PTPRD: variants seen among roughly 807,000 people sequenced by gnomAD.
The protein encoded by PTPRD is protein tyrosine phosphatase receptor type D, also known as receptor-type tyrosine-protein phosphatase delta.
In PTPRD, 34 loss-of-function variants were observed where a neutral mutation model predicts 214.5. The observed-to-expected ratio is 0.16, with a 90% confidence interval of 0.12 to 0.21. The LOEUF is 0.21. Ranked by LOEUF, PTPRD falls within the 10% of genes least tolerant of loss-of-function variation. The pLI is 1.00. For missense variants in PTPRD, 2,545 were observed against 2,398.7 expected, an observed-to-expected ratio of 1.06 and a Z score of -1.27; for synonymous variants, 1,128 against 845.7, an observed-to-expected ratio of 1.33 and a Z score of -5.79.
At chr9:8,966,403 C>T (rs190537911) in intron 11 of PTPRD, among the ~76,000 whole-genome samples, 8 of 151,408 alleles carry the variant, frequency 5.3e-5, no homozygotes, top group African/African-American at 1.5e-4. Context: ...AAAACAGACA[C>T]ATAGACCAGT....
chr9:10,002,606 A>G (rs1327274753), intron 4 of PTPRD, among the ~76,000 whole-genome samples: 2 of 151,352 alleles, frequency 1.3e-5, no homozygotes, highest in African/African-American at 4.8e-5. Flanking sequence ...AATATTTTGT[A>G]ATAATAAAAT....
chr9:8,458,958 T>C (rs1220685987), intron 33 of PTPRD, among the ~76,000 whole-genome samples: 2 of 152,180 alleles, frequency 1.3e-5, no homozygotes, highest in Non-Finnish European at 2.9e-5. Flanking sequence ...TAATGGGTTA[T>C]GGTTATGAAC....
intron 8 of PTPRD, among the ~76,000 whole-genome samples, chr9:9,506,267 T>C (rs183545978): frequency 1.8e-3 from 268 of 151,476 alleles, no homozygotes; most frequent in South Asian, 4.3e-3. Context: ...TCCCCATTCA[T>C]ACTGAGGACA....
chr9:9,759,329 C>T lies in PTPRD; in HGVS notation c.-326+7481G>A, dbSNP rs371018976. On this transcript the variant is annotated intron_variant, in intron 6 of 45. Coordinates refer to ENST00000381196, the MANE Select transcript of PTPRD (RefSeq NM_002839.4). ...GCACTGACTGCCGCAAACCCCAGCC[C>T]CTAGTGCTCTGGTAGTCTTGGTCGC... 2.9e-3 allele frequency among the ~76,000 whole-genome samples: 441 copies of T among 152,194 alleles called. 2 individuals carry two copies. Among genetic ancestry groups the T allele is most frequent in the African/African-American group, 0.01 (419 of 41,566 alleles).
rs375086594 is a variant in PTPRD, at chr9:9,949,029, A to G, written c.-471-10419T>C. On this transcript the variant is annotated intron_variant, in intron 4 of 45. Transcript: ENST00000381196. Reference sequence around the variant, plus strand: ...ATTTCTGTGGTGGGATAAAGGGTGAAGAATACGAGAAAACAAGATGTAGAG... The same window carrying G: ...ATTTCTGTGGTGGGATAAAGGGTGAGGAATACGAGAAAACAAGATGTAGAG... 1.5e-3 allele frequency among the ~76,000 whole-genome samples: 235 copies of G among 152,200 alleles called. 8 individuals carry two copies. The South Asian group carries it at 0.047, about 31-fold the overall frequency.
At chr9:10,235,009 T>C (rs577644020) in intron 3 of PTPRD, among the ~76,000 whole-genome samples, 91 of 151,904 alleles carry the variant, frequency 6.0e-4, no homozygotes, top group African/African-American at 2.1e-3. Context: ...TAAGGATATA[T>C]ATATATAAAC....
At chr9:9,670,118 T>G (rs2096798553) in intron 7 of PTPRD, among the ~76,000 whole-genome samples, 1 of 152,200 alleles carries the variant, frequency 6.6e-6, no homozygotes, top group Admixed American at 6.5e-5. Flanking sequence ...TAGCAATTAG[T>G]AATTAGTAAT....
chr9:9,290,217 G>C (rs1950714562), intron 9 of PTPRD, among the ~76,000 whole-genome samples: 1 of 151,662 alleles, frequency 6.6e-6, no homozygotes, highest in Non-Finnish European at 1.5e-5. Context: ...TAGTTATGTT[G>C]AACAGCTTTC....
rs187026472 is a variant in PTPRD, at chr9:9,580,642, T to G, written c.-286-5861A>C. On this transcript the variant is annotated intron_variant, in intron 7 of 45. Coordinates refer to ENST00000381196, the MANE Select transcript of PTPRD (RefSeq NM_002839.4). ...CTGCTCACTGCAACCTCTGCCTCCATGATTCAAGCAATTCTCCTGCCTCAG... is the reference window on the plus strand; with the variant it reads ...CTGCTCACTGCAACCTCTGCCTCCAGGATTCAAGCAATTCTCCTGCCTCAG... Among the ~76,000 whole-genome samples the G allele has an allele frequency of 1.3e-4, 19 of 149,182 alleles. No individual in the cohort carries two copies. In the East Asian group the frequency reaches 3.9e-3, roughly 30 times the overall value.
intron 7 of PTPRD, among the ~76,000 whole-genome samples, chr9:9,608,434 A>G (rs1478854973): frequency 6.6e-6 from 1 of 152,124 alleles, no homozygotes; most frequent in Non-Finnish European, 1.5e-5. Flanking sequence ...TCTATTCTTA[A>G]AAAGCTGAGT....
intron 11 of PTPRD, among the ~76,000 whole-genome samples, chr9:8,879,919 A>T (rs1460616871): frequency 6.6e-6 from 1 of 152,158 alleles, no homozygotes; most frequent in African/African-American, 2.4e-5. Context: ...CTTCCAGTTC[A>T]CAGAAAAGGA....
chr9:9,369,549 A>T (rs544813112), intron 9 of PTPRD, among the ~76,000 whole-genome samples: 1 of 152,042 alleles, frequency 6.6e-6, no homozygotes, highest in African/African-American at 2.4e-5. Flanking sequence ...ATTTTCTCCC[A>T]TTCTGTAGGT....
intron 11 of PTPRD, among the ~76,000 whole-genome samples, chr9:8,899,613 T>C (rs942780869): frequency 1.3e-5 from 2 of 152,112 alleles, no homozygotes; most frequent in Non-Finnish European, 2.9e-5. Flanking sequence ...GGAGCAGTTG[T>C]GGGAAGGTTG....
At chr9:10,107,208 T>C (rs2098642267) in intron 3 of PTPRD, among the ~76,000 whole-genome samples, 1 of 151,936 alleles carries the variant, frequency 6.6e-6, no homozygotes, top group Non-Finnish European at 1.5e-5. Context: ...GAAATACCGG[T>C]CAGAGATGGA....
At chr9:9,013,213 G>T (rs1028522261) in intron 11 of PTPRD, among the ~76,000 whole-genome samples, 1 of 151,900 alleles carries the variant, frequency 6.6e-6, no homozygotes, top group Non-Finnish European at 1.5e-5. Flanking sequence ...AAGAATGACT[G>T]AACTCCGATG....
chr9:8,908,007 C>G (rs1004154718), intron 11 of PTPRD, among the ~76,000 whole-genome samples: 2 of 152,062 alleles, frequency 1.3e-5, no homozygotes, highest in Non-Finnish European at 2.9e-5. Flanking sequence ...AGTATGGTCA[C>G]ACAGTTGAAA....
intron 39 of PTPRD, among the ~76,000 whole-genome samples, chr9:8,349,902 C>T (rs2074951038): frequency 6.7e-6 from 1 of 150,058 alleles, no homozygotes; most frequent in Non-Finnish European, 1.5e-5. Flanking sequence ...TTGACTTCAG[C>T]AGCAAACCAA....
At chr9:10,171,246 G>A (rs2099203020) in intron 3 of PTPRD, among the ~76,000 whole-genome samples, 2 of 152,100 alleles carry the variant, frequency 1.3e-5, no homozygotes, top group Admixed American at 6.6e-5. Flanking sequence ...ATCCTGAGTT[G>A]TAGCTCTCAT....
intron 9 of PTPRD, among the ~76,000 whole-genome samples, chr9:9,336,630 A>G (rs1595974831): frequency 6.6e-6 from 1 of 152,164 alleles, no homozygotes; most frequent in African/African-American, 2.4e-5. Context: ...CATGCTTTGT[A>G]TACAAAACCA....
Sources: allele counts gnomAD v4.1 joint callset (sites outside exome capture counted in the v4.1 genomes callset), GRCh38; gene constraint gnomAD v4.1.1; transcripts MANE v1.5; gene names NCBI Gene and HGNC (gene_info 2026-07-23, HGNC 2026-07-21).